The following CCDC178 variants were observed in gnomAD, a reference collection of about 807,000 sequenced individuals.
The protein encoded by CCDC178 is coiled-coil domain containing 178, also known as coiled-coil domain-containing protein 178.
CCDC178 carries 126 observed loss-of-function variants against 117.4 expected under a neutral mutation model. The observed-to-expected ratio is 1.07, with a 90% confidence interval of 0.93 to 1.24. The LOEUF (loss-of-function observed/expected upper bound fraction) is 1.24. CCDC178 is among the 50% of genes most tolerant of loss of function. The pLI is 0.00. For missense variants in CCDC178, 1,030 were observed against 986.9 expected (o/e 1.04, Z -0.59); for synonymous variants, 283 against 313.4 (o/e 0.90, Z 1.02).
intron 20 of CCDC178, among the ~76,000 whole-genome samples, chr18:33,195,955 A>G (rs927998759): frequency 1.2e-4 from 19 of 152,262 alleles, no homozygotes; most frequent in African/African-American, 4.1e-4. Flanking sequence ...GTAGAGTTGA[A>G]TTACCTAAAG....
chr18:33,078,852 G>T (rs1175566038), intron 21 of CCDC178, among the ~76,000 whole-genome samples: 1 of 152,118 alleles, frequency 6.6e-6, no homozygotes, highest in Non-Finnish European at 1.5e-5. Context: ...TGGTCATACT[G>T]CCCAAAGCAG....
intron 20 of CCDC178, among the ~76,000 whole-genome samples, chr18:33,205,603 T>C (rs1487419845): frequency 6.6e-6 from 1 of 152,130 alleles, no homozygotes; most frequent in African/African-American, 2.4e-5. Flanking sequence ...TATAAGAACT[T>C]TGAATATGTG....
intron 11 of CCDC178, among the ~76,000 whole-genome samples, chr18:33,296,955 C>T (rs1049977754): frequency 9.2e-5 from 14 of 152,052 alleles, no homozygotes; most frequent in Non-Finnish European, 2.1e-4. Context: ...ACCCAGGAGG[C>T]AGAGGTTGTA....
At chr18:33,366,007 T>C (rs1423525585) in intron 6 of CCDC178, among the ~76,000 whole-genome samples, 9 of 152,020 alleles carry the variant, frequency 5.9e-5, no homozygotes, top group Admixed American at 6.6e-5. Flanking sequence ...CTGGAGTGGA[T>C]AGAAAAGTCC....
intron 21 of CCDC178, among the ~76,000 whole-genome samples, chr18:33,036,806 G>T (rs956479323): frequency 2.6e-5 from 4 of 151,892 alleles, no homozygotes; most frequent in African/African-American, 9.7e-5. Flanking sequence ...TTTTGATAAA[G>T]GCTAAGACAA....
At chr18:33,298,715 A>G (rs2144898183) in intron 11 of CCDC178, among the ~76,000 whole-genome samples, 1 of 152,272 alleles carries the variant, frequency 6.6e-6, no homozygotes, top group African/African-American at 2.4e-5. Flanking sequence ...TAGATGACAT[A>G]ATCTTGTATA....
At chr18:33,370,264 A>C in intron 5 of CCDC178, 75 bp from the exon 6 acceptor site, 6 of 1,124,574 alleles carry the variant, frequency 5.3e-6, no homozygotes, top group Non-Finnish European at 7.4e-6. Context: ...ATAAGCAAAA[A>C]AATTCTGCTT....
chr18:33,206,449 C>G (rs1317283898), intron 20 of CCDC178, among the ~76,000 whole-genome samples: 3 of 151,078 alleles, frequency 2.0e-5, no homozygotes, highest in African/African-American at 7.3e-5. Context: ...TGTGGAAAAA[C>G]AAAATATAAA....
chr18:33,334,434 A>C (rs1265183628), intron 9 of CCDC178, among the ~76,000 whole-genome samples: 1 of 152,064 alleles, frequency 6.6e-6, no homozygotes, highest in African/African-American at 2.4e-5. Flanking sequence ...ATTAAATCCC[A>C]ATGAACAGAG....
At chr18:32,969,781 G>A (rs1201088080) in intron 22 of CCDC178, among the ~76,000 whole-genome samples, 1 of 151,968 alleles carries the variant, frequency 6.6e-6, no homozygotes, top group Admixed American at 6.6e-5. Flanking sequence ...AAATGCCTCT[G>A]CTTACTCAGT....
At chr18:33,321,733 GA>G (rs980482719) in intron 11 of CCDC178, among the ~76,000 whole-genome samples, 1 of 151,120 alleles carries the variant, frequency 6.6e-6, no homozygotes, top group Non-Finnish European at 1.5e-5. Context: ...TAATCAACAT[GA>G]AAAAAGGCAA....
chr18:33,331,255 A>C (rs2144623237), intron 10 of CCDC178, among the ~76,000 whole-genome samples: 1 of 152,102 alleles, frequency 6.6e-6, no homozygotes, highest in South Asian at 2.1e-4. Flanking sequence ...GAGTTATACC[A>C]GTTAGGATTG....
At chr18:33,237,666 G>A (rs1011890441) in intron 15 of CCDC178, among the ~76,000 whole-genome samples, 1 of 151,936 alleles carries the variant, frequency 6.6e-6, no homozygotes, top group Non-Finnish European at 1.5e-5. Context: ...AGGCCAGCGA[G>A]GAAACCATAT....
At chr18:33,088,860 A>G (rs1282890255) in intron 21 of CCDC178, among the ~76,000 whole-genome samples, 1 of 152,184 alleles carries the variant, frequency 6.6e-6, no homozygotes, top group Non-Finnish European at 1.5e-5. Context: ...ATGAGTAAAG[A>G]AAACTAAGTT....
chr18:33,371,780 T>TAC (rs1165317447), intron 5 of CCDC178, among the ~76,000 whole-genome samples: 71 of 68,214 alleles, frequency 1.0e-3, no homozygotes, highest in Admixed American at 5.7e-3. Flanking sequence ...TTCATAAACA[T>TAC]ATATACACAC....
chr18:33,196,256 A>C (rs1342001776), intron 20 of CCDC178, among the ~76,000 whole-genome samples: 5 of 152,192 alleles, frequency 3.3e-5, no homozygotes, highest in African/African-American at 1.2e-4. Context: ...ATTCAGCTCC[A>C]ATAAAAATTC....
intron 11 of CCDC178, among the ~76,000 whole-genome samples, chr18:33,315,560 G>A (rs188196129): frequency 2.0e-5 from 3 of 152,114 alleles, no homozygotes; most frequent in Admixed American, 1.3e-4. Context: ...GGCCATACAC[G>A]GATATAAAAA....
At chr18:33,244,695 G>C (rs558270235) in intron 15 of CCDC178, among the ~76,000 whole-genome samples, 1 of 151,854 alleles carries the variant, frequency 6.6e-6, no homozygotes, top group African/African-American at 2.4e-5. Flanking sequence ...TCATAGCAGC[G>C]TGAGAATGGA....
At chr18:32,999,138 A>G (rs1752344955) in intron 21 of CCDC178, among the ~76,000 whole-genome samples, 1 of 152,112 alleles carries the variant, frequency 6.6e-6, no homozygotes, top group African/African-American at 2.4e-5. Flanking sequence ...GCCTGGCAGC[A>G]TTCACCACAA....
Sources: gnomAD v4.1 joint callset for allele counts (sites outside exome capture counted in the v4.1 genomes callset) on GRCh38, gnomAD v4.1.1 for gene constraint, MANE v1.5 for transcripts, NCBI Gene and HGNC (gene_info 2026-07-23, HGNC 2026-07-21) for gene names.